Variants in ZNF407 observed in about 807,000 individuals in gnomAD.
The protein encoded by ZNF407 is zinc finger protein 407.
A neutral mutation model predicts 131.2 loss-of-function variants in ZNF407; 17 were observed. That is an observed-to-expected ratio of 0.13 (90% CI 0.09 to 0.19). The LOEUF (loss-of-function observed/expected upper bound fraction) is 0.19, where lower values mean the gene tolerates loss of function less well. ZNF407 is among the 10% of genes least tolerant of loss of function. The pLI is 1.00. For missense variants in ZNF407, 2,681 were observed against 2,830.6 expected, an observed-to-expected ratio of 0.95 and a Z score of 1.20; for synonymous variants, 1,156 against 1,062.0, an observed-to-expected ratio of 1.09 and a Z score of -1.72.
At position 75,006,086 on chromosome 18, in the gene ZNF407, G is replaced by T. The variant is rs143102141; in HGVS notation, c.5429-57064G>T. Among the ~76,000 whole-genome samples the T allele has an allele frequency of 5.9e-5, 9 of 152,248 alleles. No homozygotes were observed. The East Asian group carries it at 1.7e-3, about 29-fold the overall frequency. ...GTCGGATGAACGGACCCTCCGTGCT[G>T]TCTTGGAGGAGGTGTCTTCAGGGAT... On this transcript the variant is annotated intron_variant, in intron 8 of 8. Transcript: ENST00000299687.
intron 1 of ZNF407, among the ~76,000 whole-genome samples, chr18:74,618,089 T>G (rs1983390428): frequency 6.6e-6 from 1 of 152,230 alleles, no homozygotes; most frequent in Admixed American, 6.5e-5. Context: ...TGTAATGGTT[T>G]AATGGGACCG....
chr18:74,927,713 T>C (rs1009775475), intron 8 of ZNF407, among the ~76,000 whole-genome samples: 11 of 152,240 alleles, frequency 7.2e-5, no homozygotes, highest in Non-Finnish European at 1.6e-4. Context: ...AGTTACTGGA[T>C]TTTGTTACTG....
intron 3 of ZNF407, among the ~76,000 whole-genome samples, chr18:74,674,467 G>T (rs117729616): frequency 0.018 from 2,746 of 151,398 alleles, 28 homozygotes; most frequent in Non-Finnish European, 0.031. Flanking sequence ...GTTATCAAGT[G>T]GTCAATGATC....
intron 7 of ZNF407, among the ~76,000 whole-genome samples, chr18:74,890,956 C>G (rs886959954): frequency 1.3e-5 from 2 of 152,196 alleles, no homozygotes; most frequent in Non-Finnish European, 2.9e-5. Context: ...CATGGATGTT[C>G]AGTGCACTCA....
intron 3 of ZNF407, among the ~76,000 whole-genome samples, chr18:74,682,611 C>G (rs570997260): frequency 6.6e-6 from 1 of 152,250 alleles, no homozygotes; most frequent in East Asian, 1.9e-4. Context: ...CTTACTGCAA[C>G]TGAGAATTTG....
At chr18:74,699,435 C>T (rs1212213784) in intron 3 of ZNF407, among the ~76,000 whole-genome samples, 4 of 152,054 alleles carry the variant, frequency 2.6e-5, no homozygotes, top group African/African-American at 7.2e-5. Context: ...CGTATGGGAG[C>T]CCAGAGTAGC....
intron 8 of ZNF407, among the ~76,000 whole-genome samples, chr18:74,927,681 G>T (rs1291343592): frequency 6.6e-6 from 1 of 152,186 alleles, no homozygotes; most frequent in Non-Finnish European, 1.5e-5. Context: ...GAAAGAGCTT[G>T]AAAATTGTAT....
chr18:74,604,919 A>G (rs1437416606), intron 1 of ZNF407, among the ~76,000 whole-genome samples: 2 of 152,152 alleles, frequency 1.3e-5, no homozygotes, highest in Admixed American at 1.3e-4. Context: ...TAGTTCATCA[A>G]AGTCTGGATG....
Position 74,631,025 on chromosome 18 carries a change from G to A in ZNF407, c.6G>A (p.Met2Ile), listed in dbSNP as rs779490722. 3.1e-6 allele frequency: 5 copies of A among 1,607,496 alleles called. No homozygotes were observed. The highest frequency in any genetic ancestry group is 4.2e-6 in the Non-Finnish European group (5 of 1,177,614). Residue 2 changes from methionine (M) to isoleucine (I), a missense_variant, in exon 2 of 9, where the codon ATG becomes ATA. Met to Ile is a conservative substitution (Grantham distance 10, BLOSUM62 1). Coordinates refer to ENST00000299687, the MANE Select transcript of ZNF407 (RefSeq NM_017757.3). The part of the protein sequence containing the change: M[M>I]DSENKPENDE... ...GCATCGTCAGCACTTTATTAATGATGGATAGTGAGAATAAACCCGAAAATG... is the reference window on the plus strand; with the variant it reads ...GCATCGTCAGCACTTTATTAATGATAGATAGTGAGAATAAACCCGAAAATG...
intron 8 of ZNF407, among the ~76,000 whole-genome samples, chr18:74,949,418 G>A (rs1054187105): frequency 2.6e-5 from 4 of 152,030 alleles, no homozygotes; most frequent in Admixed American, 1.3e-4. Flanking sequence ...TGTCATACAC[G>A]ATAATTCTGT....
chr18:74,871,475 A>G (rs969555781), intron 4 of ZNF407, among the ~76,000 whole-genome samples: 31 of 152,094 alleles, frequency 2.0e-4, no homozygotes, highest in African/African-American at 7.5e-4. Flanking sequence ...ATAGTTCTAT[A>G]TTTTGTTTAT....
intron 8 of ZNF407, among the ~76,000 whole-genome samples, chr18:75,013,588 A>G (rs1599294030): frequency 6.6e-6 from 1 of 152,264 alleles, no homozygotes; most frequent in Middle Eastern, 3.4e-3. Flanking sequence ...AAGGATTCAC[A>G]TGTAGTGAAA....
intron 4 of ZNF407, among the ~76,000 whole-genome samples, chr18:74,786,242 G>A (rs948674244): frequency 2.6e-5 from 4 of 152,076 alleles, no homozygotes; most frequent in African/African-American, 9.7e-5. Context: ...TTTCTATAAG[G>A]TAAATACTGT....
intron 3 of ZNF407, among the ~76,000 whole-genome samples, chr18:74,650,852 TAGAG>T (rs1188648208): frequency 2.0e-5 from 3 of 152,194 alleles, no homozygotes; most frequent in Non-Finnish European, 2.9e-5. Context: ...TATACTGTGA[TAGAG>T]AGCATAATAA....
intron 4 of ZNF407, among the ~76,000 whole-genome samples, chr18:74,793,292 C>T (rs1242732431): frequency 3.9e-5 from 6 of 152,156 alleles, no homozygotes; most frequent in Non-Finnish European, 7.3e-5. Context: ...ACAAGTTTGG[C>T]ATAAATCAAT....
At chr18:74,934,432 G>C (rs1264493979) in intron 8 of ZNF407, among the ~76,000 whole-genome samples, 1 of 152,202 alleles carries the variant, frequency 6.6e-6, no homozygotes, top group African/African-American at 2.4e-5. Flanking sequence ...GCCAGGAATA[G>C]ATTTGAACTT....
chr18:74,782,744 A>G (rs1033071609), intron 4 of ZNF407, among the ~76,000 whole-genome samples: 2 of 151,846 alleles, frequency 1.3e-5, no homozygotes, highest in Middle Eastern at 3.2e-3. Context: ...TCAGCCTCCC[A>G]AGTATCTGGG....
At chr18:75,056,610 T>C (rs564063369) in intron 8 of ZNF407, among the ~76,000 whole-genome samples, 10 of 152,334 alleles carry the variant, frequency 6.6e-5, no homozygotes, top group African/African-American at 2.4e-4. Context: ...AGTGTTAACA[T>C]AGAAAGCATC....
intron 3 of ZNF407, among the ~76,000 whole-genome samples, chr18:74,753,832 C>T (rs1168570370): frequency 3.9e-5 from 6 of 151,978 alleles, no homozygotes; most frequent in Non-Finnish European, 1.5e-5. Context: ...TTTGTTGTGT[C>T]TCTGCCAGGC....
Sources: gnomAD v4.1 joint callset for allele counts (sites outside exome capture counted in the v4.1 genomes callset) on GRCh38, gnomAD v4.1.1 for gene constraint, MANE v1.5 for transcripts, NCBI Gene and HGNC (gene_info 2026-07-23, HGNC 2026-07-21) for gene names.